DNAH3: variants seen among roughly 807,000 people sequenced by gnomAD.
DNAH3 encodes the protein dynein axonemal heavy chain 3.
DNAH3 carries 332 observed loss-of-function variants against 432.5 expected under a neutral mutation model. That is an observed-to-expected ratio of 0.77 (90% CI 0.70 to 0.84). The LOEUF (loss-of-function observed/expected upper bound fraction) is 0.84, where lower values mean the gene tolerates loss of function less well. Among genes scored for constraint, DNAH3 ranks in the 40% least tolerant of loss-of-function variants. The probability of loss-of-function intolerance (pLI) is 0.00; values close to 1 mark genes in which losing one functional copy is unlikely to be tolerated. For missense variants in DNAH3, 4,861 were observed against 5,114.0 expected, an observed-to-expected ratio of 0.95 and a Z score of 1.51; for synonymous variants, 1,956 against 1,900.2, an observed-to-expected ratio of 1.03 and a Z score of -0.76.
At chr16:21,019,663 T>A in exon 41 of DNAH3, 1 of 1,614,128 alleles carries the variant, frequency 6.2e-7, no homozygotes, top group South Asian at 1.1e-5. Context: ...AGTTTGACGC[T>A]TTTGGGCCTT....
intron 55 of DNAH3, among the ~76,000 whole-genome samples, chr16:20,954,239 A>T (rs2084453821): frequency 7.5e-6 from 1 of 133,266 alleles, no homozygotes; most frequent in Non-Finnish European, 1.6e-5. Flanking sequence ...AAAAAAAAAA[A>T]TTCGTTGTAT....
chr16:20,997,533 T>C (rs997202861), intron 43 of DNAH3, 71 bp from the exon 44 acceptor site: 33 of 1,533,424 alleles, frequency 2.2e-5, no homozygotes, highest in Non-Finnish European at 2.9e-5. Flanking sequence ...AGGTAACAGA[T>C]GGCAATTCCC....
chr16:20,980,038 C>A (rs1029746889), intron 49 of DNAH3, among the ~76,000 whole-genome samples: 17 of 151,884 alleles, frequency 1.1e-4, no homozygotes, highest in African/African-American at 4.1e-4. Flanking sequence ...GCATGAGCCA[C>A]CACGCCCAGC....
intron 35 of DNAH3, 35 bp from the exon 36 acceptor site, chr16:21,034,120 C>G: frequency 1.5e-6 from 2 of 1,366,240 alleles, no homozygotes; most frequent in Non-Finnish European, 2.1e-6. Context: ...AGAAGCTAAT[C>G]ATTGCAACGC....
intron 44 of DNAH3, among the ~76,000 whole-genome samples, chr16:20,990,116 C>T (rs923043113): frequency 6.6e-6 from 1 of 152,248 alleles, no homozygotes; most frequent in Non-Finnish European, 1.5e-5. Flanking sequence ...TGAAGGGCTC[C>T]TCAAGTGCCG....
chr16:21,102,897 G>C (rs1485195864), intron 16 of DNAH3, among the ~76,000 whole-genome samples: 3 of 141,274 alleles, frequency 2.1e-5, no homozygotes, highest in Non-Finnish European at 1.5e-5. Flanking sequence ...TTTTTTTTGA[G>C]ACAGAATCTC....
intron 41 of DNAH3, among the ~76,000 whole-genome samples, chr16:21,010,036 G>A (rs866871107): frequency 2.6e-5 from 4 of 152,106 alleles, no homozygotes; most frequent in Non-Finnish European, 4.4e-5. Flanking sequence ...CTTGGCTAAG[G>A]TTACCATTTA....
At chr16:20,985,157 T>C in exon 48 of DNAH3, 1 of 1,614,202 alleles carries the variant, frequency 6.2e-7, no homozygotes, top group Non-Finnish European at 8.5e-7. Context: ...GTCTGCATCT[T>C]CTCCACGATG....
At chr16:20,989,119 G>T (rs908160384) in intron 44 of DNAH3, among the ~76,000 whole-genome samples, 1 of 152,232 alleles carries the variant, frequency 6.6e-6, no homozygotes, top group Non-Finnish European at 1.5e-5. Flanking sequence ...GGTTACCACT[G>T]CTGGCTCGGG....
chr16:21,094,970 C>T (rs577308926), intron 18 of DNAH3, among the ~76,000 whole-genome samples: 1 of 152,246 alleles, frequency 6.6e-6, no homozygotes, highest in South Asian at 2.1e-4. Context: ...TGTGAGGCCT[C>T]CCCATCCAAG....
At chr16:20,954,854 A>G (rs948123762) in exon 55 of DNAH3, 1 of 1,614,040 alleles carries the variant, frequency 6.2e-7, no homozygotes, top group African/African-American at 1.3e-5. Flanking sequence ...AACGGCGTGG[A>G]AGAAACAAAG....
exon 53 of DNAH3, chr16:20,964,938 G>C (rs751312562): frequency 6.2e-7 from 1 of 1,614,046 alleles, no homozygotes; most frequent in South Asian, 1.1e-5. Context: ...GGGCAGCTTC[G>C]GTCCATCTGT....
intron 1 of DNAH3, among the ~76,000 whole-genome samples, chr16:21,154,630 C>T (rs1011601867): frequency 1.3e-5 from 2 of 152,150 alleles, no homozygotes; most frequent in Admixed American, 6.5e-5. Context: ...TCTCAACAAC[C>T]TAGAATATAA....
chr16:20,968,198 A>G (rs1469897098), intron 52 of DNAH3, among the ~76,000 whole-genome samples: 1 of 152,142 alleles, frequency 6.6e-6, no homozygotes, highest in Admixed American at 6.5e-5. Flanking sequence ...CCTCCTGAGC[A>G]GCTGGGACTA....
chr16:20,986,408 C>T (rs879655778), intron 47 of DNAH3, among the ~76,000 whole-genome samples: 4 of 151,978 alleles, frequency 2.6e-5, no homozygotes, highest in Admixed American at 6.6e-5. Flanking sequence ...CTCAGGAGGC[C>T]GAGGTGGAGG....
At chr16:21,106,598 T>C in exon 15 of DNAH3, 1 of 1,611,438 alleles carries the variant, frequency 6.2e-7, no homozygotes, top group Non-Finnish European at 8.5e-7. Flanking sequence ...AGGAATTCAA[T>C]GAGGGATACC....
intron 17 of DNAH3, among the ~76,000 whole-genome samples, chr16:21,098,225 T>C (rs1476091315): frequency 6.6e-6 from 1 of 151,978 alleles, no homozygotes; most frequent in Non-Finnish European, 1.5e-5. Flanking sequence ...GTGGATCACT[T>C]GGGGTCAGGA....
intron 3 of DNAH3, among the ~76,000 whole-genome samples, chr16:21,143,979 C>G (rs188991668): frequency 2.0e-5 from 3 of 152,092 alleles, no homozygotes; most frequent in African/African-American, 7.2e-5. Flanking sequence ...CTCACCCAGA[C>G]GTAGCACAGA....
chr16:21,086,996 C>T (rs376345259), exon 19 of DNAH3: 143 of 1,614,090 alleles, frequency 8.9e-5, no homozygotes, highest in Non-Finnish European at 1.2e-4. Flanking sequence ...TCAGTTTATA[C>T]GTTGTCCTCC....
Sources: allele counts gnomAD v4.1 joint callset (sites outside exome capture counted in the v4.1 genomes callset), GRCh38; gene constraint gnomAD v4.1.1; transcripts MANE v1.5; gene names NCBI Gene and HGNC (gene_info 2026-07-23, HGNC 2026-07-21).